The following PTHLH variants were observed in gnomAD, a reference collection of about 807,000 sequenced individuals.
PTHLH encodes the protein parathyroid hormone-related protein.
Under a neutral mutation model 18.6 loss-of-function variants are expected in PTHLH, and 5 were observed. The observed-to-expected ratio is 0.27, with a 90% CI of 0.14 to 0.56. The LOEUF (loss-of-function observed/expected upper bound fraction) is 0.56, where lower values mean the gene tolerates loss of function less well. PTHLH is among the 20% of genes least tolerant of loss of function. The pLI is 0.92. For missense variants in PTHLH, 207 were observed against 223.9 expected (o/e 0.92, Z 0.48); for synonymous variants, 90 against 94.0 (o/e 0.96, Z 0.25).
chr12:27,963,027 A>T lies in PTHLH; in HGVS notation c.524+321T>A, dbSNP rs1389488291. On this transcript the variant is annotated intron_variant, in intron 5 of 5. Transcript: ENST00000545234. Reference sequence around the variant, plus strand: ...AAGAAACACACTTCTCCAGCAAATTATGAAGATGGTCACTAGCTTCTGAAG... The same window carrying T: ...AAGAAACACACTTCTCCAGCAAATTTTGAAGATGGTCACTAGCTTCTGAAG... 4.1e-6 allele frequency: 5 copies of T among 1,233,548 alleles called. No individual in the cohort carries two copies. The Admixed American group carries it at 1.9e-4, about 47-fold the overall frequency. The allele number at this position is 1,233,548 out of a possible 1,614,324, so 76.4% of individuals were successfully genotyped here. A position where few individuals can be genotyped will look rare whatever the true frequency, so the allele number is the denominator to read the frequency against.
In PTHLH at chr12:27,969,434, G is replaced by T; in HGVS notation, c.61C>A (p.Pro21Thr). The change falls in exon 4 of 6, where the codon CCC becomes ACC. Residue 21 changes from proline to threonine, a missense_variant. Pro to Thr is a conservative substitution (Grantham distance 38). Transcript: ENST00000545234. ...VAVFLLSYAV[P>T]SCGRSVEGLS... ...CCCTCCACCGAGCGCCCGCAGGAGG[G>T]CACCGCGTAGCTCAGCAGGAACACC... 1 of 1,594,816 alleles carries T rather than the reference G, an allele frequency of 6.3e-7. No individual in the cohort carries two copies.
At chr12:27,966,536 C>T (rs1481665845) in intron 4 of PTHLH, among the ~76,000 whole-genome samples, 3 of 152,042 alleles carry the variant, frequency 2.0e-5, no homozygotes, top group South Asian at 4.1e-4. Flanking sequence ...AAATTAAGGA[C>T]GTTTTCAATT....
rs71450770 is a variant in PTHLH, at chr12:27,972,023, T to TAAAAAAAAAAAAAA, written c.-358-18_-358-5dup. On this transcript the variant is annotated splice_region_variant and splice_polypyrimidine_tract_variant and intron_variant, in intron 1 of 5. Coordinates refer to ENST00000545234, the MANE Select transcript of PTHLH (RefSeq NM_198965.2). ...CGTTAGATCTGAAGGGGGAAATCTG[T>TAAAAAAAAAAAAAA]AAAAAAAAAAAAAAAAAAAAAAAAA... is the stretch of plus-strand genomic sequence containing the variant. 1 of 55,364 alleles carries TAAAAAAAAAAAAAA rather than the reference T, an allele frequency of 1.8e-5. No homozygotes were observed. The highest frequency in any genetic ancestry group is 6.3e-5 in the African/African-American group (1 of 15,984). The allele number at this position is 55,364 out of a possible 1,614,324, so 3.4% of individuals were successfully genotyped here. A position where few individuals can be genotyped will look rare whatever the true frequency, so the allele number is the denominator to read the frequency against.
At chr12:27,961,334 C>CATATATATATATAT (rs1179427224) in intron 5 of PTHLH, among the ~76,000 whole-genome samples, 1 of 103,658 alleles carries the variant, frequency 9.6e-6, no homozygotes, top group African/African-American at 3.7e-5. Context: ...TATATATATA[C>CATATATATATATAT]TTTTTGCCTC....
At chr12:27,961,887 A>G (rs1459203527) in intron 5 of PTHLH, 2 of 700,800 alleles carry the variant, frequency 2.9e-6, no homozygotes, top group Admixed American at 2.3e-5. Flanking sequence ...AGTCAAAGGA[A>G]ATGACTAAAG....
At chr12:27,969,743 A>G (rs1404319124) in intron 3 of PTHLH, 3 of 721,684 alleles carry the variant, frequency 4.2e-6, no homozygotes, top group South Asian at 4.1e-5. Context: ...AAAGAGCAAA[A>G]AGGGAAAAAA....
chr12:27,970,894 C>T (rs575428588), intron 2 of PTHLH, among the ~76,000 whole-genome samples: 209 of 152,316 alleles, frequency 1.4e-3, no homozygotes, highest in African/African-American at 5.0e-3. Flanking sequence ...GAGTGGGGAG[C>T]ATCGGCTAGA....
In PTHLH at chr12:27,972,190, T is replaced by A. The variant is rs564323675; in HGVS notation, c.-358-171A>T. On this transcript the variant is annotated intron_variant, in intron 1 of 5. Transcript: ENST00000545234. Reference sequence around the variant, plus strand: ...TTTAAAAAGTCAACCCTTCTCCCAATAGAAGGTTAAAACAAAAATCAGATT... The same window carrying A: ...TTTAAAAAGTCAACCCTTCTCCCAAAAGAAGGTTAAAACAAAAATCAGATT... Among the ~76,000 whole-genome samples, 4 of 152,280 alleles carry A rather than the reference T, an allele frequency of 2.6e-5. No individual in the cohort carries two copies. In the South Asian group the frequency reaches 8.3e-4, roughly 32 times the overall value.
intron 2 of PTHLH, 162 bp from the exon 3 acceptor site, chr12:27,970,429 C>G (rs141089797): frequency 0.074 from 11,061 of 149,756 alleles, 488 homozygotes; most frequent in East Asian, 0.14. Flanking sequence ...AGGGGAGCCC[C>G]GAGCCGGGAA....
In PTHLH at chr12:27,963,775, G is replaced by T; in HGVS notation, c.102-5C>A. ...TGTTCAGACACAGCTCTTTTGCTTT[G>T]AAAGAAAATATTAGAGGGGAAGAAA... On this transcript the variant is annotated splice_polypyrimidine_tract_variant and splice_region_variant and intron_variant, in intron 4 of 5. Coordinates refer to ENST00000545234, the MANE Select transcript of PTHLH (RefSeq NM_198965.2). 1 of 1,613,816 alleles carries T rather than the reference G, an allele frequency of 6.2e-7. No individual in the cohort carries two copies. Among genetic ancestry groups the T allele is most frequent in the Non-Finnish European group, 8.5e-7 (1 of 1,179,894 alleles).
At chr12:27,960,733 A>G (rs1448845354) in intron 5 of PTHLH, among the ~76,000 whole-genome samples, 1 of 151,940 alleles carries the variant, frequency 6.6e-6, no homozygotes, top group East Asian at 1.9e-4. Flanking sequence ...AAAAAAAAAA[A>G]AAAGAATATT....
intron 4 of PTHLH, among the ~76,000 whole-genome samples, chr12:27,965,834 TA>T (rs1565523282): frequency 6.6e-6 from 1 of 152,328 alleles, no homozygotes; most frequent in East Asian, 1.9e-4. Context: ...ATTTATAAAA[TA>T]ATAGGACAGA....
At chr12:27,960,960 A>T (rs1376735446) in intron 5 of PTHLH, among the ~76,000 whole-genome samples, 3 of 151,726 alleles carry the variant, frequency 2.0e-5, no homozygotes, top group Admixed American at 2.0e-4. Flanking sequence ...AAGCTTCCTC[A>T]CTCTTCCCTG....
rs900360069 is a variant in PTHLH at position 27,958,366 on chromosome 12, A to G, written c.*193T>C. On this transcript the variant is annotated 3_prime_UTR_variant, in exon 6 of 6. Coordinates refer to ENST00000545234, the MANE Select transcript of PTHLH (RefSeq NM_198965.2). ...AATAAATTATGGTAAATGTGATAAT[A>G]ATAATTGGATTAGCCTTGGCAAAAA... The G allele has an allele frequency of 1.9e-5, 8 of 414,404 alleles. No individual in the cohort carries two copies. The highest frequency in any genetic ancestry group is 2.5e-5 in the Non-Finnish European group (6 of 236,734). 25.7% of individuals were successfully genotyped at this position (414,404 alleles called of 1,614,324 possible). A position where few individuals can be genotyped will look rare whatever the true frequency, so the allele number is the denominator to read the frequency against.
intron 4 of PTHLH, among the ~76,000 whole-genome samples, chr12:27,966,904 GGAA>G (rs2062819353): frequency 6.6e-6 from 1 of 152,220 alleles, no homozygotes; most frequent in South Asian, 2.1e-4. Flanking sequence ...TTCCAGCACA[GGAA>G]GAAGCAGTAT....
chr12:27,964,285 C>A (rs2062792321), intron 4 of PTHLH, among the ~76,000 whole-genome samples: 1 of 151,172 alleles, frequency 6.6e-6, no homozygotes, highest in South Asian at 2.1e-4. Flanking sequence ...CTCTCTCACA[C>A]ACACACACAC....
chr12:27,961,669 T>C, intron 5 of PTHLH: 1 of 363,338 alleles, frequency 2.8e-6, no homozygotes, highest in Non-Finnish European at 4.9e-6. Context: ...TAGAGATCCA[T>C]TAGATGTTTG....
chr12:27,962,424 T>C (rs1004307475), intron 5 of PTHLH: 6 of 516,460 alleles, frequency 1.2e-5, no homozygotes, highest in Non-Finnish European at 1.5e-5. Flanking sequence ...TACAATTATA[T>C]TTCACAGAAG....
intron 5 of PTHLH, chr12:27,961,656 C>A: frequency 3.0e-6 from 1 of 338,760 alleles, no homozygotes; most frequent in East Asian, 4.6e-5. Flanking sequence ...GTTTGTTACC[C>A]TTTAGAGATC....
Sources: allele counts gnomAD v4.1 joint callset (sites outside exome capture counted in the v4.1 genomes callset), GRCh38; gene constraint gnomAD v4.1.1; transcripts MANE v1.5; gene names NCBI Gene and HGNC (gene_info 2026-07-23, HGNC 2026-07-21).